KDM4C: variants seen among roughly 807,000 people sequenced by gnomAD.
KDM4C encodes lysine-specific demethylase 4C.
KDM4C carries 81 observed loss-of-function variants against 129.3 expected under a neutral mutation model. That is an observed-to-expected ratio of 0.63 (90% CI 0.52 to 0.75). KDM4C has a LOEUF of 0.75. Among genes scored for constraint, KDM4C ranks in the 30% least tolerant of loss-of-function variants. The probability of loss-of-function intolerance (pLI) is 0.00; values close to 1 mark genes in which losing one functional copy is unlikely to be tolerated. For missense variants in KDM4C, 1,457 were observed against 1,304.0 expected (o/e 1.12, Z -1.81); for synonymous variants, 573 against 456.1 (o/e 1.26, Z -3.26).
Position 6,865,627 on chromosome 9 carries a change from C to T in KDM4C, c.630-14385C>T, listed in dbSNP as rs950708633. ...TATCACCTGGGCTGGAGTTCAGTGG[C>T]GTGATCTCAGCTCACTGTAACCTCC... On this transcript the variant is annotated intron_variant, in intron 5 of 21. Coordinates refer to ENST00000381309, the MANE Select transcript of KDM4C (RefSeq NM_015061.6). Among the ~76,000 whole-genome samples the T allele has an allele frequency of 3.6e-4, 55 of 152,096 alleles. 1 individual carries two copies. Among genetic ancestry groups the T allele is most frequent in the African/African-American group, 2.4e-4 (10 of 41,424 alleles).
intron 4 of KDM4C, among the ~76,000 whole-genome samples, chr9:6,827,537 C>G (rs1282674753): frequency 5.3e-5 from 8 of 152,200 alleles, no homozygotes; most frequent in East Asian, 3.8e-4. Flanking sequence ...ATACCTTCAT[C>G]CAGCAGATGG....
chr9:6,942,323 T>TGTGTG (rs1826113863), intron 8 of KDM4C: 2 of 87,006 alleles, frequency 2.3e-5, no homozygotes, highest in Non-Finnish European at 2.6e-5. Flanking sequence ...GTGTGTGTGT[T>TGTGTG]TAATCCTCCA....
chr9:6,931,129 CCA>C (rs1215114078), intron 8 of KDM4C, among the ~76,000 whole-genome samples: 3 of 151,448 alleles, frequency 2.0e-5, no homozygotes, highest in Non-Finnish European at 4.4e-5. Context: ...CTCACCCCCC[CCA>C]CACAAACACA....
chr9:6,906,617 T>A (rs559871753), intron 8 of KDM4C, among the ~76,000 whole-genome samples: 2 of 152,196 alleles, frequency 1.3e-5, no homozygotes, highest in Non-Finnish European at 2.9e-5. Context: ...AATTTTTACA[T>A]TTTTTGTAGA....
At chr9:6,781,642 C>G (rs945511580) in intron 1 of KDM4C, among the ~76,000 whole-genome samples, 4 of 152,032 alleles carry the variant, frequency 2.6e-5, no homozygotes, top group Non-Finnish European at 4.4e-5. Flanking sequence ...AATCATGGCA[C>G]TAAATAGACC....
At chr9:6,767,339 C>T (rs1234996093) in intron 1 of KDM4C, among the ~76,000 whole-genome samples, 1 of 151,644 alleles carries the variant, frequency 6.6e-6, no homozygotes, top group Non-Finnish European at 1.5e-5. Context: ...GACAGGGTTT[C>T]ACCACGTTCG....
intron 4 of KDM4C, among the ~76,000 whole-genome samples, chr9:6,820,342 A>G (rs1197303665): frequency 6.6e-6 from 1 of 152,190 alleles, no homozygotes; most frequent in African/African-American, 2.4e-5. Flanking sequence ...TAACAGTGTC[A>G]GTATTTTTGC....
At chr9:7,112,102 A>G (rs1838388167) in intron 18 of KDM4C, among the ~76,000 whole-genome samples, 1 of 152,028 alleles carries the variant, frequency 6.6e-6, no homozygotes, top group African/African-American at 2.4e-5. Flanking sequence ...AGGAGAGGCT[A>G]TTATTTATCT....
intron 18 of KDM4C, among the ~76,000 whole-genome samples, chr9:7,126,473 A>G (rs1840034112): frequency 6.6e-6 from 1 of 152,228 alleles, no homozygotes; most frequent in South Asian, 2.1e-4. Flanking sequence ...GTAGAAGCCA[A>G]GGTTTTCACT....
chr9:6,856,496 G>A (rs1297819392), intron 5 of KDM4C, among the ~76,000 whole-genome samples: 2 of 151,180 alleles, frequency 1.3e-5, no homozygotes, highest in South Asian at 2.1e-4. Flanking sequence ...AAAATTAACC[G>A]CATAGGTTAT....
At chr9:7,110,654 G>A (rs1241207440) in intron 18 of KDM4C, among the ~76,000 whole-genome samples, 2 of 152,086 alleles carry the variant, frequency 1.3e-5, no homozygotes, top group African/African-American at 4.8e-5. Context: ...CTGCTTTTCT[G>A]GTCTCTTTCT....
intron 14 of KDM4C, 71 bp from the exon 15 acceptor site, chr9:7,015,782 C>A: frequency 9.8e-7 from 1 of 1,017,206 alleles, no homozygotes; most frequent in Non-Finnish European, 1.5e-6. Flanking sequence ...TTATTTATTT[C>A]AGTACTGAGA....
At chr9:7,008,125 G>A (rs185834438) in intron 12 of KDM4C, among the ~76,000 whole-genome samples, 51 of 152,278 alleles carry the variant, frequency 3.3e-4, no homozygotes, top group African/African-American at 9.4e-4. Context: ...AATCCCAGGC[G>A]GTACAGTGAG....
chr9:6,988,271 T>C (rs1253169927), intron 11 of KDM4C, among the ~76,000 whole-genome samples: 3 of 151,848 alleles, frequency 2.0e-5, no homozygotes, highest in Non-Finnish European at 4.4e-5. Context: ...CTGAGTCAAA[T>C]GCCTGCTTTA....
At chr9:7,174,217 T>C (rs1845232612) in intron 21 of KDM4C, among the ~76,000 whole-genome samples, 2 of 152,184 alleles carry the variant, frequency 1.3e-5, no homozygotes, top group African/African-American at 2.4e-5. Flanking sequence ...GGAGTAAAGG[T>C]AACTTAGAGA....
intron 8 of KDM4C, among the ~76,000 whole-genome samples, chr9:6,955,823 T>A (rs897743666): frequency 2.0e-5 from 3 of 152,226 alleles, no homozygotes; most frequent in African/African-American, 7.2e-5. Context: ...CCAGAGCAAG[T>A]CACTAACCGC....
intron 16 of KDM4C, among the ~76,000 whole-genome samples, 157 bp from the exon 17 acceptor site, chr9:7,048,935 C>T (rs1235171686): frequency 6.6e-6 from 1 of 151,898 alleles, no homozygotes; most frequent in African/African-American, 2.4e-5. Context: ...AGGTATCATT[C>T]AGGAGGTTTA....
chr9:7,163,796 C>G (rs899556149), intron 19 of KDM4C, among the ~76,000 whole-genome samples: 4 of 152,184 alleles, frequency 2.6e-5, no homozygotes, highest in African/African-American at 9.6e-5. Context: ...AGGTCAAGTC[C>G]TATGAGGGCC....
At chr9:7,009,362 G>A (rs1254623773) in intron 12 of KDM4C, among the ~76,000 whole-genome samples, 1 of 152,106 alleles carries the variant, frequency 6.6e-6, no homozygotes, top group Non-Finnish European at 1.5e-5. Flanking sequence ...GAAAATGGCA[G>A]GTAATTCAAC....
Sources: gnomAD v4.1 joint callset for allele counts (sites outside exome capture counted in the v4.1 genomes callset) on GRCh38, gnomAD v4.1.1 for gene constraint, MANE v1.5 for transcripts, NCBI Gene and HGNC (gene_info 2026-07-23, HGNC 2026-07-21) for gene names.